Variants in GATAD2B observed in about 807,000 individuals in gnomAD.
The protein encoded by GATAD2B is transcriptional repressor p66-beta.
In GATAD2B, 8 loss-of-function variants were observed where a neutral mutation model predicts 64.3. That is an observed-to-expected ratio of 0.12 (90% CI 0.07 to 0.22). GATAD2B has a LOEUF of 0.22. Ranked by LOEUF, GATAD2B falls within the 10% of genes least tolerant of loss-of-function variation. The probability of loss-of-function intolerance (pLI) is 1.00; values close to 1 mark genes in which losing one functional copy is unlikely to be tolerated. For synonymous variants in GATAD2B, 281 were observed against 271.3 expected, an observed-to-expected ratio of 1.04 and a Z score of -0.35; for missense variants, 453 against 752.0, an observed-to-expected ratio of 0.60 and a Z score of 4.65.
chr1:153,885,657 T>C lies in GATAD2B; in HGVS notation c.-2+37076A>G, dbSNP rs141813729. On this transcript the variant is annotated intron_variant, in intron 1 of 10. Coordinates refer to ENST00000368655, the MANE Select transcript of GATAD2B (RefSeq NM_020699.4). ...CCAAGGTGGGTGGATCACGAGGAGA[T>C]TGAGACCATCCTGGCTAACATGGTG... 7.1e-3 allele frequency among the ~76,000 whole-genome samples: 1,079 copies of C among 151,954 alleles called. 19 individuals carry two copies. Among genetic ancestry groups the C allele is most frequent in the African/African-American group, 0.025 (1,042 of 41,384 alleles).
At chr1:153,892,850 A>G (rs1677461548) in intron 1 of GATAD2B, among the ~76,000 whole-genome samples, 1 of 151,830 alleles carries the variant, frequency 6.6e-6, no homozygotes, top group Non-Finnish European at 1.5e-5. Flanking sequence ...ACGTGCCACC[A>G]CGCCTGGCTA....
At chr1:153,890,256 G>A (rs1030844422) in intron 1 of GATAD2B, among the ~76,000 whole-genome samples, 5 of 151,580 alleles carry the variant, frequency 3.3e-5, no homozygotes, top group Admixed American at 6.6e-5. Context: ...ATGGGAGGCC[G>A]AGGCGAGTGA....
intron 1 of GATAD2B, among the ~76,000 whole-genome samples, chr1:153,859,583 T>C (rs1274426898): frequency 6.7e-6 from 1 of 149,906 alleles, no homozygotes; most frequent in East Asian, 2.0e-4. Flanking sequence ...GACAGGAGAA[T>C]CGCTTGAACC....
At chr1:153,840,872 T>A (rs1055858796) in intron 1 of GATAD2B, among the ~76,000 whole-genome samples, 3 of 152,018 alleles carry the variant, frequency 2.0e-5, no homozygotes, top group Admixed American at 2.0e-4. Flanking sequence ...ACGCCTGTAA[T>A]CCCAGCACTC....
intron 1 of GATAD2B, among the ~76,000 whole-genome samples, chr1:153,869,005 A>G (rs529391841): frequency 6.6e-6 from 1 of 152,248 alleles, no homozygotes; most frequent in East Asian, 1.9e-4. Flanking sequence ...ATACAAAGAC[A>G]ATTCTTGCTG....
At position 153,813,234 on chromosome 1, in the gene GATAD2B, C is replaced by T; in HGVS notation, c.1419+16G>A. 6.9e-6 allele frequency: 11 copies of T among 1,604,092 alleles called. No homozygotes were observed. The highest frequency in any genetic ancestry group is 9.4e-6 in the Non-Finnish European group (11 of 1,172,100). The stretch of plus-strand genomic sequence containing the variant: ...CAAACTGGGACAGGTGGCCAGTGAG[C>T]AGTCAGAATTCTTACCTGTTCCTGC... On this transcript the variant is annotated intron_variant, in intron 8 of 10. Coordinates refer to ENST00000368655, the MANE Select transcript of GATAD2B (RefSeq NM_020699.4).
In GATAD2B at chr1:153,905,799, G is replaced by T. The variant is rs564015904; in HGVS notation, c.-2+16934C>A. On this transcript the variant is annotated intron_variant, in intron 1 of 10. Coordinates refer to ENST00000368655, the MANE Select transcript of GATAD2B (RefSeq NM_020699.4). ...AAAAAAAAAAAAGCCGGGTGCAGTGGCTCACGCCTGTAATCCCAGCACTTT... is the reference window on the plus strand; with the variant it reads ...AAAAAAAAAAAAGCCGGGTGCAGTGTCTCACGCCTGTAATCCCAGCACTTT... Among the ~76,000 whole-genome samples, 29 of 150,278 alleles carry T rather than the reference G, an allele frequency of 1.9e-4. No individual in the cohort carries two copies. In the East Asian group the frequency reaches 5.6e-3, roughly 29 times the overall value.
At chr1:153,824,324 A>G (rs1226175181) in intron 2 of GATAD2B, among the ~76,000 whole-genome samples, 1 of 152,060 alleles carries the variant, frequency 6.6e-6, no homozygotes, top group Non-Finnish European at 1.5e-5. Flanking sequence ...CCAAAATAAC[A>G]TTTTTAAAAA....
Position 153,818,046 on chromosome 1 carries a change from T to G in GATAD2B, c.723A>C (p.Thr241=). ...CCCACTATGGGTCACATACCTGTAA[T>G]GTTCTCAAATTTTGAGGTTCAACCC... ...AQGVEPQNLR[T]LQGHSVIRSA... The change falls in exon 5 of 11, where the codon ACA becomes ACC. Residue 241 remains threonine, a synonymous_variant. Coordinates refer to ENST00000368655, the MANE Select transcript of GATAD2B (RefSeq NM_020699.4). 6.2e-7 allele frequency: 1 copy of G among 1,608,042 alleles called. No homozygotes were observed. The highest frequency in any genetic ancestry group is 8.5e-7 in the Non-Finnish European group (1 of 1,177,718).
At chr1:153,831,335 G>T (rs553730190) in intron 1 of GATAD2B, among the ~76,000 whole-genome samples, 1 of 152,158 alleles carries the variant, frequency 6.6e-6, no homozygotes, top group Admixed American at 6.5e-5. Flanking sequence ...TGGGTCTGTT[G>T]GGGGGTAGGA....
intron 1 of GATAD2B, among the ~76,000 whole-genome samples, chr1:153,908,595 A>G (rs1455466249): frequency 6.6e-6 from 1 of 151,076 alleles, no homozygotes; most frequent in African/African-American, 2.4e-5. Flanking sequence ...CAGCCTTCCC[A>G]GTAGCTGGGA....
At chr1:153,819,187 G>A (rs1281232517) in intron 3 of GATAD2B, among the ~76,000 whole-genome samples, 1 of 152,170 alleles carries the variant, frequency 6.6e-6, no homozygotes, top group Non-Finnish European at 1.5e-5. Flanking sequence ...TGACTAAAGA[G>A]AAACATTGTC....
intron 1 of GATAD2B, among the ~76,000 whole-genome samples, chr1:153,894,422 C>T (rs1229293448): frequency 1.3e-5 from 2 of 151,402 alleles, no homozygotes; most frequent in African/African-American, 2.4e-5. Context: ...GAGCTGAATT[C>T]GTGCCGCCGC....
chr1:153,813,582 A>G (rs1674362210), intron 7 of GATAD2B, 130 bp from the exon 8 acceptor site: 7 of 662,274 alleles, frequency 1.1e-5, no homozygotes, highest in Admixed American at 8.5e-5. Context: ...AGGATATTCT[A>G]TAATTTACAA....
chr1:153,820,512 C>T (rs1674639958), intron 2 of GATAD2B, among the ~76,000 whole-genome samples: 1 of 152,222 alleles, frequency 6.6e-6, no homozygotes, highest in African/African-American at 2.4e-5. Flanking sequence ...GTTCCCAAAT[C>T]CGTGACTGTA....
chr1:153,905,804 C>T (rs1356257268), intron 1 of GATAD2B, among the ~76,000 whole-genome samples: 1 of 149,262 alleles, frequency 6.7e-6, no homozygotes, highest in Non-Finnish European at 1.5e-5. Context: ...CAGTGGCTCA[C>T]GCCTGTAATC....
At chr1:153,912,986 A>C (rs947078705) in intron 1 of GATAD2B, among the ~76,000 whole-genome samples, 1 of 152,052 alleles carries the variant, frequency 6.6e-6, no homozygotes, top group Non-Finnish European at 1.5e-5. Flanking sequence ...TATACGGGAG[A>C]CTGAGGCAGG....
At chr1:153,839,568 T>TTTTTAA in intron 1 of GATAD2B, among the ~76,000 whole-genome samples, 1 of 152,144 alleles carries the variant, frequency 6.6e-6, no homozygotes, top group East Asian at 1.9e-4. Flanking sequence ...AAAGTAGTAA[T>TTTTTAA]AGTCTAAAAG....
chr1:153,860,267 C>T lies in GATAD2B; in HGVS notation c.-1-31919G>A, dbSNP rs144422181. Among the ~76,000 whole-genome samples the T allele has an allele frequency of 1.6e-3, 244 of 152,210 alleles. 1 individual carries two copies. The highest frequency in any genetic ancestry group is 2.6e-3 in the Non-Finnish European group (180 of 68,026). On this transcript the variant is annotated intron_variant, in intron 1 of 10. Coordinates refer to ENST00000368655, the MANE Select transcript of GATAD2B (RefSeq NM_020699.4). The stretch of plus-strand genomic sequence containing the variant: ...TTTTCTGTGTCTTATTACTGAATTA[C>T]TTGTCCATTTCCCTTAGAAAACTGT...
Sources: gnomAD v4.1 joint callset for allele counts (sites outside exome capture counted in the v4.1 genomes callset) on GRCh38, gnomAD v4.1.1 for gene constraint, MANE v1.5 for transcripts, NCBI Gene and HGNC (gene_info 2026-07-23, HGNC 2026-07-21) for gene names.